TMPRSS11F: variants seen among roughly 807,000 people sequenced by gnomAD.
TMPRSS11F encodes the protein transmembrane protease serine 11F.
A neutral mutation model predicts 60.2 loss-of-function variants in TMPRSS11F; 47 were observed. That is an observed-to-expected ratio of 0.78 (90% confidence interval 0.62 to 1.00). TMPRSS11F has a LOEUF of 1.00. Ranked by LOEUF, TMPRSS11F falls within the 50% of genes least tolerant of loss-of-function variation. The probability of loss-of-function intolerance (pLI) is 0.00; values close to 1 mark genes in which losing one functional copy is unlikely to be tolerated. For missense variants in TMPRSS11F, 519 were observed against 522.9 expected, an observed-to-expected ratio of 0.99 and a Z score of 0.07; for synonymous variants, 166 against 167.3, an observed-to-expected ratio of 0.99 and a Z score of 0.06.
intron 7 of TMPRSS11F, among the ~76,000 whole-genome samples, chr4:68,065,524 C>G (rs1013427948): frequency 2.3e-4 from 35 of 152,124 alleles, no homozygotes; most frequent in African/African-American, 8.2e-4. Flanking sequence ...ACTAGACTTT[C>G]AGTTCTCCTT....
Position 68,070,024 on chromosome 4 carries a change from A to G in TMPRSS11F, c.515-17T>C. Reference sequence around the variant, plus strand: ...TGTCAATAGCTGGAATAAGCAAAACATGAATTAGTTGGCAGAAGAATATAT... The same window carrying G: ...TGTCAATAGCTGGAATAAGCAAAACGTGAATTAGTTGGCAGAAGAATATAT... On this transcript the variant is annotated splice_polypyrimidine_tract_variant and intron_variant, in intron 5 of 9. Transcript: ENST00000356291. 1 of 1,602,836 alleles carries G rather than the reference A, an allele frequency of 6.2e-7. No homozygotes were observed. Among genetic ancestry groups the G allele is most frequent in the Non-Finnish European group, 8.5e-7 (1 of 1,174,018 alleles).
At chr4:68,082,303 G>C (rs1367259713) in intron 3 of TMPRSS11F, among the ~76,000 whole-genome samples, 1 of 152,160 alleles carries the variant, frequency 6.6e-6, no homozygotes, top group Non-Finnish European at 1.5e-5. Flanking sequence ...TCTGCCTCGA[G>C]AGTAGGCAGA....
At chr4:68,086,642 G>A (rs543060543) in intron 3 of TMPRSS11F, among the ~76,000 whole-genome samples, 2 of 152,096 alleles carry the variant, frequency 1.3e-5, no homozygotes, top group East Asian at 1.9e-4. Flanking sequence ...TAGAAAAAGA[G>A]AGAGACAATC....
intron 8 of TMPRSS11F, chr4:68,063,139 G>A (rs1233791186): frequency 1.6e-6 from 1 of 616,088 alleles, no homozygotes; most frequent in African/African-American, 1.8e-5. Flanking sequence ...TTAATATAGA[G>A]AAAAAGAAGC....
intron 8 of TMPRSS11F, among the ~76,000 whole-genome samples, chr4:68,060,959 A>C (rs993929646): frequency 6.6e-6 from 1 of 152,032 alleles, no homozygotes; most frequent in African/African-American, 2.4e-5. Flanking sequence ...AGGAGCAATG[A>C]TATACTGCTT....
intron 3 of TMPRSS11F, 21 bp from the exon 4 acceptor site, chr4:68,074,030 A>G (rs765648884): frequency 7.8e-6 from 11 of 1,410,596 alleles, no homozygotes; most frequent in Admixed American, 2.4e-5. Flanking sequence ...AAAAATAAGT[A>G]TTAGTCTTCA....
intron 1 of TMPRSS11F, among the ~76,000 whole-genome samples, chr4:68,128,286 C>T (rs1030726784): frequency 1.3e-5 from 2 of 152,012 alleles, no homozygotes; most frequent in Non-Finnish European, 2.9e-5. Flanking sequence ...ATCTAATTAG[C>T]AAGAATATTT....
intron 1 of TMPRSS11F, among the ~76,000 whole-genome samples, chr4:68,121,876 G>T (rs188337098): frequency 6.6e-6 from 1 of 152,102 alleles, no homozygotes; most frequent in East Asian, 1.9e-4. Flanking sequence ...AGAGTTAATC[G>T]GTATGTTACA....
At chr4:68,111,952 T>G (rs1724417081) in intron 1 of TMPRSS11F, among the ~76,000 whole-genome samples, 2 of 152,202 alleles carry the variant, frequency 1.3e-5, no homozygotes, top group African/African-American at 4.8e-5. Flanking sequence ...GGTTAAGTTC[T>G]ATCTCATTAT....
intron 3 of TMPRSS11F, among the ~76,000 whole-genome samples, chr4:68,083,148 C>T (rs1560400312): frequency 1.3e-5 from 2 of 152,224 alleles, no homozygotes; most frequent in Non-Finnish European, 1.5e-5. Context: ...AAAGCATCAA[C>T]AGACCACCTT....
intron 9 of TMPRSS11F, 65 bp downstream of exon 9, chr4:68,059,261 G>A: frequency 1.9e-6 from 3 of 1,559,766 alleles, no homozygotes; most frequent in Non-Finnish European, 8.7e-7. Flanking sequence ...TAAAATATAT[G>A]CCAAACTCAG....
intron 6 of TMPRSS11F, 105 bp from the exon 7 acceptor site, chr4:68,068,924 A>T: frequency 8.7e-7 from 1 of 1,149,062 alleles, no homozygotes; most frequent in Non-Finnish European, 1.3e-6. Context: ...TACCATGTGA[A>T]CCATTCATAG....
chr4:68,073,897 C>T, intron 4 of TMPRSS11F, 45 bp downstream of exon 4: 1 of 1,223,856 alleles, frequency 8.2e-7, no homozygotes, highest in Non-Finnish European at 1.2e-6. Context: ...TCAAATACCT[C>T]ATCTTAACAG....
At chr4:68,088,162 GAC>G (rs1445055607) in intron 3 of TMPRSS11F, among the ~76,000 whole-genome samples, 1 of 151,816 alleles carries the variant, frequency 6.6e-6, no homozygotes, top group Admixed American at 6.6e-5. Flanking sequence ...CATGTGCAGA[GAC>G]ACACATAGGC....
At chr4:68,092,303 A>G (rs1472621300) in intron 2 of TMPRSS11F, among the ~76,000 whole-genome samples, 1 of 152,158 alleles carries the variant, frequency 6.6e-6, no homozygotes, top group Non-Finnish European at 1.5e-5. Flanking sequence ...TCTAGAAGTA[A>G]TTGATGTTTT....
At chr4:68,072,723 A>T (rs1351542832) in intron 4 of TMPRSS11F, among the ~76,000 whole-genome samples, 1 of 152,166 alleles carries the variant, frequency 6.6e-6, no homozygotes, top group African/African-American at 2.4e-5. Context: ...TACCTACCTG[A>T]AAACAGTTGT....
chr4:68,062,840 TTAACA>T, intron 8 of TMPRSS11F: 1 of 772,690 alleles, frequency 1.3e-6, no homozygotes, highest in Non-Finnish European at 2.4e-6. Flanking sequence ...TAGAGTTAAC[TTAACA>T]TATGTATTGG....
chr4:68,064,432 C>A (rs1049018972), intron 8 of TMPRSS11F, among the ~76,000 whole-genome samples: 3 of 152,130 alleles, frequency 2.0e-5, no homozygotes, highest in Non-Finnish European at 2.9e-5. Context: ...GGTGATCCGC[C>A]AGCCTTGGCC....
At chr4:68,102,808 T>A (rs1724219857) in intron 1 of TMPRSS11F, among the ~76,000 whole-genome samples, 1 of 152,120 alleles carries the variant, frequency 6.6e-6, no homozygotes, top group Non-Finnish European at 1.5e-5. Context: ...GTGTAGAAGC[T>A]TTTAAGTTTG....
Sources: allele counts gnomAD v4.1 joint callset (sites outside exome capture counted in the v4.1 genomes callset), GRCh38; gene constraint gnomAD v4.1.1; transcripts MANE v1.5; gene names NCBI Gene and HGNC (gene_info 2026-07-23, HGNC 2026-07-21).